Variants in BICRAL observed in about 807,000 individuals in gnomAD.
BICRAL encodes BICRA like chromatin remodeling complex associated protein.
In BICRAL, 8 loss-of-function variants were observed where a neutral mutation model predicts 91.8. The observed-to-expected ratio is 0.09, with a 90% confidence interval of 0.05 to 0.16. The LOEUF is 0.16. BICRAL is among the 10% of genes least tolerant of loss of function. The pLI, the probability that BICRAL is intolerant of heterozygous loss-of-function variation, is 1.00. For synonymous variants in BICRAL, 445 were observed against 491.1 expected, an observed-to-expected ratio of 0.91 and a Z score of 1.24; for missense variants, 1,038 against 1,310.9, an observed-to-expected ratio of 0.79 and a Z score of 3.21.
At chr6:42,764,682 G>A (rs1030666747) in intron 1 of BICRAL, among the ~76,000 whole-genome samples, 8 of 151,648 alleles carry the variant, frequency 5.3e-5, no homozygotes, top group South Asian at 2.1e-4. Flanking sequence ...TTTTTGAGAC[G>A]GAGTCTTGCT....
At chr6:42,853,334 A>T (rs2114019848) in intron 7 of BICRAL, among the ~76,000 whole-genome samples, 1 of 152,182 alleles carries the variant, frequency 6.6e-6, no homozygotes, top group African/African-American at 2.4e-5. Flanking sequence ...GGGATTCTGT[A>T]GTGCTGACAG....
intron 1 of BICRAL, among the ~76,000 whole-genome samples, chr6:42,785,652 C>T (rs578058554): frequency 3.3e-5 from 5 of 151,810 alleles, no homozygotes; most frequent in Admixed American, 2.0e-4. Flanking sequence ...GAAGATAAAT[C>T]CTTAAAAGAA....
rs76020084 is a variant in BICRAL at position 42,867,242 on chromosome 6, T to C, written c.*1796T>C. On this transcript the variant is annotated 3_prime_UTR_variant, in exon 13 of 13. Transcript: ENST00000314073. ...ATACCCCGGTGCCCCTGTGTCCCAC[T>C]ACACACAGAAAACCCTGTGAGATGG... is the stretch of plus-strand genomic sequence containing the variant. 37 of 165,866 alleles carry C rather than the reference T, an allele frequency of 2.2e-4. No homozygotes were observed. In the East Asian group the frequency reaches 6.3e-3, roughly 28 times the overall value. The allele number at this position is 165,866 out of a possible 1,614,324, so 10.3% of individuals were successfully genotyped here.
At chr6:42,761,478 G>T (rs1273970883) in intron 1 of BICRAL, among the ~76,000 whole-genome samples, 1 of 152,168 alleles carries the variant, frequency 6.6e-6, no homozygotes, top group African/African-American at 2.4e-5. Context: ...CTGATTAGTT[G>T]TGCAATACTA....
chr6:42,768,898 C>A (rs1762678796), intron 1 of BICRAL, among the ~76,000 whole-genome samples: 1 of 152,194 alleles, frequency 6.6e-6, no homozygotes, highest in African/African-American at 2.4e-5. Flanking sequence ...AGATGTCGTT[C>A]TCTAAGCAGG....
rs201815308 is a variant in BICRAL at position 42,806,014 on chromosome 6, C to CAAA, written c.-101-4292_-101-4291insAAA. Among the ~76,000 whole-genome samples, 316 of 149,758 alleles carry CAAA rather than the reference C, an allele frequency of 2.1e-3. 1 individual carries two copies. The highest frequency in any genetic ancestry group is 0.016 in the South Asian group (75 of 4,782). On this transcript the variant is annotated intron_variant, in intron 1 of 12. Transcript: ENST00000314073. ...GAGACTCCATCTCAAAAAAAAAAAACGAAGGAAGAAGTAGAGCAATTATTT... is the reference window on the plus strand; with the variant it reads ...GAGACTCCATCTCAAAAAAAAAAAACAAAGAAGGAAGAAGTAGAGCAATTATTT...
At chr6:42,766,338 T>C (rs574920144) in intron 1 of BICRAL, among the ~76,000 whole-genome samples, 3 of 152,136 alleles carry the variant, frequency 2.0e-5, no homozygotes, top group Non-Finnish European at 2.9e-5. Context: ...AGTGGGAAAA[T>C]CAGGACCAGA....
intron 1 of BICRAL, among the ~76,000 whole-genome samples, chr6:42,807,161 ATAT>A (rs879774636): frequency 9.2e-5 from 14 of 151,528 alleles, no homozygotes; most frequent in Admixed American, 2.0e-4. Flanking sequence ...ACTCCAGTTC[ATAT>A]TATTATTATT....
At chr6:42,812,915 G>C (rs1362463529) in intron 2 of BICRAL, among the ~76,000 whole-genome samples, 1 of 152,010 alleles carries the variant, frequency 6.6e-6, no homozygotes, top group Non-Finnish European at 1.5e-5. Flanking sequence ...AGTGCCTGTG[G>C]TCCCAGCTAC....
chr6:42,831,925 G>A (rs950777562), intron 6 of BICRAL, among the ~76,000 whole-genome samples: 2 of 151,626 alleles, frequency 1.3e-5, no homozygotes, highest in East Asian at 2.0e-4. Flanking sequence ...TTTTTTGATA[G>A]GCAGGGTTTC....
In BICRAL at chr6:42,868,158, G is replaced by A. The variant is rs531877702; in HGVS notation, c.*2712G>A. On this transcript the variant is annotated 3_prime_UTR_variant, in exon 13 of 13. Coordinates refer to ENST00000314073, the MANE Select transcript of BICRAL (RefSeq NM_001393499.1). The stretch of plus-strand genomic sequence containing the variant: ...GTGTCCTTAAGTACTTCCTGAAGAT[G>A]AAGCAAAATTTTAATCTGGCAATTA... 6.7e-6 allele frequency: 1 copy of A among 149,626 alleles called. No homozygotes were observed. The highest frequency in any genetic ancestry group is 6.7e-5 in the Admixed American group (1 of 14,918). 9.3% of individuals were successfully genotyped at this position (149,626 alleles called of 1,614,324 possible). A position where few individuals can be genotyped will look rare whatever the true frequency, so the allele number is the denominator to read the frequency against.
At chr6:42,766,664 C>A (rs1762636916) in intron 1 of BICRAL, among the ~76,000 whole-genome samples, 1 of 152,014 alleles carries the variant, frequency 6.6e-6, no homozygotes, top group South Asian at 2.1e-4. Context: ...CATGGTGAAA[C>A]CCCATCTCTG....
intron 1 of BICRAL, among the ~76,000 whole-genome samples, chr6:42,790,533 C>A (rs891250955): frequency 6.9e-6 from 1 of 145,440 alleles, no homozygotes; most frequent in African/African-American, 2.6e-5. Flanking sequence ...ACCCCCCCCC[C>A]ACCTTCTTTT....
intron 1 of BICRAL, among the ~76,000 whole-genome samples, chr6:42,761,134 A>G (rs1285967159): frequency 6.6e-6 from 1 of 152,176 alleles, no homozygotes; most frequent in African/African-American, 2.4e-5. Context: ...TAGTGGTGCT[A>G]ATAAGTGAAC....
intron 1 of BICRAL, among the ~76,000 whole-genome samples, chr6:42,754,590 A>G (rs1478533865): frequency 1.3e-5 from 2 of 152,214 alleles, no homozygotes; most frequent in Non-Finnish European, 2.9e-5. Flanking sequence ...TATTTATTGC[A>G]TTTAAAATGT....
chr6:42,749,226 A>G (rs538930164), intron 1 of BICRAL, among the ~76,000 whole-genome samples: 1 of 152,330 alleles, frequency 6.6e-6, no homozygotes, highest in South Asian at 2.1e-4. Flanking sequence ...TGTTCCAAGG[A>G]CTCACATACC....
intron 5 of BICRAL, among the ~76,000 whole-genome samples, chr6:42,827,509 A>G (rs760514887): frequency 6.6e-6 from 1 of 152,248 alleles, no homozygotes; most frequent in Non-Finnish European, 1.5e-5. Context: ...TATTAATTCT[A>G]TCTTTTCAAA....
At chr6:42,864,210 G>A (rs1459908972) in intron 12 of BICRAL, among the ~76,000 whole-genome samples, 2 of 151,870 alleles carry the variant, frequency 1.3e-5, no homozygotes, top group Non-Finnish European at 2.9e-5. Flanking sequence ...CATGGTGGCG[G>A]GCGCCTGTAA....
chr6:42,836,147 A>C (rs1465717734), intron 6 of BICRAL, among the ~76,000 whole-genome samples: 1 of 152,142 alleles, frequency 6.6e-6, no homozygotes, highest in Non-Finnish European at 1.5e-5. Flanking sequence ...CACGCCATAG[A>C]CGTTTTCACT....
Sources: gnomAD v4.1 joint callset for allele counts (sites outside exome capture counted in the v4.1 genomes callset) on GRCh38, gnomAD v4.1.1 for gene constraint, MANE v1.5 for transcripts, NCBI Gene and HGNC (gene_info 2026-07-23, HGNC 2026-07-21) for gene names.